Variants in KCTD3 observed in about 807,000 individuals in gnomAD.
The protein encoded by KCTD3 is potassium channel tetramerization domain containing 3, also known as BTB/POZ domain-containing protein KCTD3.
KCTD3 carries 41 observed loss-of-function variants against 85.8 expected under a neutral mutation model. The ratio of observed to expected loss-of-function variants is 0.48; its 90% CI spans 0.37 to 0.62. The LOEUF (loss-of-function observed/expected upper bound fraction) is 0.62. Among genes scored for constraint, KCTD3 ranks in the 20% least tolerant of loss-of-function variants. The pLI, the probability that KCTD3 is intolerant of heterozygous loss-of-function variation, is 0.00. For synonymous variants in KCTD3, 338 were observed against 345.4 expected, an observed-to-expected ratio of 0.98 and a Z score of 0.24; for missense variants, 724 against 989.9, an observed-to-expected ratio of 0.73 and a Z score of 3.60.
At chr1:215,575,457 T>C (rs1659536074) in intron 3 of KCTD3, among the ~76,000 whole-genome samples, 1 of 152,216 alleles carries the variant, frequency 6.6e-6, no homozygotes, top group African/African-American at 2.4e-5. Flanking sequence ...CAGTATTTAC[T>C]TTTCTCAAGT....
At chr1:215,616,367 T>G (rs190388397) in intron 15 of KCTD3, among the ~76,000 whole-genome samples, 255 of 152,282 alleles carry the variant, frequency 1.7e-3, no homozygotes, top group African/African-American at 5.9e-3. Flanking sequence ...TGTCACCTAT[T>G]TATGATTTAA....
intron 5 of KCTD3, 66 bp from the exon 6 acceptor site, chr1:215,577,935 T>G: frequency 6.4e-7 from 1 of 1,571,504 alleles, no homozygotes; most frequent in Non-Finnish European, 8.6e-7. Flanking sequence ...CTAGAGAAAA[T>G]AAAAATGGAG....
chr1:215,613,662 C>A (rs1426246131), intron 15 of KCTD3, among the ~76,000 whole-genome samples: 1 of 152,058 alleles, frequency 6.6e-6, no homozygotes, highest in Non-Finnish European at 1.5e-5. Flanking sequence ...ACTGCATCTT[C>A]TGTTGATTTT....
intron 10 of KCTD3, among the ~76,000 whole-genome samples, chr1:215,596,171 T>C (rs900116544): frequency 1.3e-5 from 2 of 152,188 alleles, no homozygotes; most frequent in African/African-American, 4.8e-5. Flanking sequence ...AGAAATGTAT[T>C]TCTAATTTTG....
chr1:215,608,013 C>A lies in KCTD3; in HGVS notation c.1310-4C>A. 1 of 1,589,896 alleles carries A rather than the reference C, an allele frequency of 6.3e-7. No individual in the cohort carries two copies. The highest frequency in any genetic ancestry group is 8.5e-7 in the Non-Finnish European group (1 of 1,172,434). On this transcript the variant is annotated splice_region_variant and splice_polypyrimidine_tract_variant and intron_variant, in intron 13 of 17. Coordinates refer to ENST00000259154, the MANE Select transcript of KCTD3 (RefSeq NM_016121.5). ...TATTCTTTTGTGTTCTCTTTCTCTG[C>A]TAGTCTGTGCAGATAATAATCATGT...
rs1486399574 is a variant in KCTD3 at position 215,567,720 on chromosome 1, C to T, written c.35C>T (p.Ala12Val). ...AGGHCGSFPAAAAGSGEIVQL... is the reference protein window; with the variant it reads ...AGGHCGSFPAVAAGSGEIVQL... The stretch of plus-strand genomic sequence containing the variant: ...GGGCACTGCGGCAGCTTCCCCGCGG[C>T]GGCGGCCGGCAGCGGCGAGATCGTC... The change falls in exon 1 of 18, where the codon GCG (alanine) becomes GTG (valine). Residue 12 changes from alanine to valine, a missense_variant. Physicochemically the swap from Ala to Val is moderately conservative, Grantham distance 64. Coordinates refer to ENST00000259154, the MANE Select transcript of KCTD3 (RefSeq NM_016121.5). 1.6e-6 allele frequency: 2 copies of T among 1,242,868 alleles called. No individual in the cohort carries two copies. The highest frequency in any genetic ancestry group is 1.6e-5 in the African/African-American group (1 of 64,444). The allele number at this position is 1,242,868 out of a possible 1,614,324, so 77.0% of individuals were successfully genotyped here.
In KCTD3 at chr1:215,574,124, TATA is replaced by T. The variant is rs770299439; in HGVS notation, c.183+15_183+17del. The T allele has an allele frequency of 1.0e-5, 16 of 1,552,026 alleles. No homozygotes were observed. In the East Asian group the frequency reaches 2.5e-4, roughly 24 times the overall value. Reference sequence around the variant, plus strand: ...TTCGAGATGAAACTGGTGCTGTGAGTATAATAATAATTGATACATATTCCTAAA... The same window carrying T: ...TTCGAGATGAAACTGGTGCTGTGAGTATAATAATTGATACATATTCCTAAA... On this transcript the variant is annotated splice_region_variant and intron_variant, in intron 3 of 17. Transcript: ENST00000259154.
chr1:215,569,225 G>T (rs1026013536), intron 1 of KCTD3, among the ~76,000 whole-genome samples: 1 of 149,726 alleles, frequency 6.7e-6, no homozygotes, highest in Admixed American at 6.7e-5. Context: ...AGTTTCAAGC[G>T]ATTCTCCTGC....
intron 15 of KCTD3, among the ~76,000 whole-genome samples, chr1:215,615,436 C>T (rs1047990801): frequency 6.6e-6 from 1 of 151,750 alleles, no homozygotes; most frequent in Admixed American, 6.6e-5. Flanking sequence ...CTGGCTAACA[C>T]GGTGAAACCC....
rs538181795 is a variant in KCTD3, at chr1:215,587,242, G to A, written c.817+557G>A. On this transcript the variant is annotated intron_variant, in intron 9 of 17. Coordinates refer to ENST00000259154, the MANE Select transcript of KCTD3 (RefSeq NM_016121.5). ...CCTCCTGGGCTCAAGCAATTCTCCTGCCTCAGCCTCCCAAGTAGCTGGGAC... is the reference window on the plus strand; with the variant it reads ...CCTCCTGGGCTCAAGCAATTCTCCTACCTCAGCCTCCCAAGTAGCTGGGAC... Among the ~76,000 whole-genome samples the A allele has an allele frequency of 3.6e-3, 545 of 150,508 alleles. 1 individual carries two copies. Among genetic ancestry groups the A allele is most frequent in the African/African-American group, 0.013 (516 of 40,942 alleles).
Position 215,610,138 on chromosome 1 carries a change from G to C in KCTD3, c.1466-1687G>C, listed in dbSNP as rs115538444. ...AGACAAATGGACATACAGATTAGTG[G>C]AACAGAGTAGAGTCCAGATTCAGTA... On this transcript the variant is annotated intron_variant, in intron 14 of 17. Transcript: ENST00000259154. Among the ~76,000 whole-genome samples the C allele has an allele frequency of 5.8e-3, 887 of 151,958 alleles. 6 individuals are homozygous for C. The highest frequency in any genetic ancestry group is 0.02 in the African/African-American group (844 of 41,528).
At chr1:215,598,171 C>G (rs1039904890) in intron 10 of KCTD3, among the ~76,000 whole-genome samples, 5 of 151,968 alleles carry the variant, frequency 3.3e-5, no homozygotes, top group Non-Finnish European at 7.4e-5. Context: ...TTTCATGGGA[C>G]AGTAGAAATT....
At position 215,620,111 on chromosome 1, in the gene KCTD3, G is replaced by A. The variant is rs1655609218; in HGVS notation, c.1941G>A (p.Met647Ile). 1 of 1,612,838 alleles carries A rather than the reference G, an allele frequency of 6.2e-7. No individual in the cohort carries two copies. The part of the protein sequence containing the change: ...TTHEAATYGS[M>I]RPYRESPLLA... ...ATGAAGCAGCTACTTACGGTTCCAT[G>A]AGGCCTTACAGAGAAAGTCCTTTAT... Residue 647 changes from methionine (M) to isoleucine (I), a missense_variant, in exon 18 of 18, where the codon ATG (methionine) becomes ATA (isoleucine). This residue lies in a region of KCTD3 where 222 missense variants were observed against 217.7 expected (regional missense o/e 1.02). Transcript: ENST00000259154.
intron 17 of KCTD3, among the ~76,000 whole-genome samples, chr1:215,619,752 C>G (rs1655591271): frequency 6.6e-6 from 1 of 151,952 alleles, no homozygotes; most frequent in African/African-American, 2.4e-5. Flanking sequence ...TCTGAAGAAC[C>G]AAGGGCTAAA....
chr1:215,602,215 C>T lies in KCTD3; in HGVS notation c.1138+14C>T, dbSNP rs1654858692. The T allele has an allele frequency of 8.4e-7, 1 of 1,185,350 alleles. No homozygotes were observed. The allele number at this position is 1,185,350 out of a possible 1,614,324, so 73.4% of individuals were successfully genotyped here. ...CACCCAAAACAAGTTAGTACATGGC[C>T]AATTATATACATTCTTGACTTTTTA... On this transcript the variant is annotated intron_variant, in intron 12 of 17. Transcript: ENST00000259154.
At chr1:215,602,513 A>G (rs1217432863) in intron 12 of KCTD3, among the ~76,000 whole-genome samples, 1 of 152,060 alleles carries the variant, frequency 6.6e-6, no homozygotes, top group African/African-American at 2.4e-5. Flanking sequence ...TCTTCCTATT[A>G]AAATAACTAA....
At chr1:215,605,633 T>G (rs185505233) in intron 13 of KCTD3, among the ~76,000 whole-genome samples, 2 of 152,266 alleles carry the variant, frequency 1.3e-5, no homozygotes, top group Admixed American at 1.3e-4. Flanking sequence ...TTAATAGGCA[T>G]CTCAAATTTA....
At chr1:215,609,856 G>C (rs1217176641) in intron 14 of KCTD3, among the ~76,000 whole-genome samples, 3 of 151,786 alleles carry the variant, frequency 2.0e-5, no homozygotes, top group Non-Finnish European at 4.4e-5. Flanking sequence ...AGATATACCT[G>C]GTTCTGTGGT....
Position 215,620,115 on chromosome 1 carries a change from CCTTA to C in KCTD3, c.1947_1950del (p.Tyr650GlufsTer6). On this transcript the variant is annotated frameshift_variant, in exon 18 of 18. Transcript: ENST00000259154. LOFTEE classifies it low-confidence loss of function (END_TRUNC). The stretch of plus-strand genomic sequence containing the variant: ...AGCAGCTACTTACGGTTCCATGAGG[CCTTA>C]CAGAGAAAGTCCTTTATTAGCAAGG... 6.2e-7 allele frequency: 1 copy of C among 1,613,338 alleles called. No homozygotes were observed. Among genetic ancestry groups the C allele is most frequent in the Non-Finnish European group, 8.5e-7 (1 of 1,179,604 alleles).
Sources: allele counts gnomAD v4.1 joint callset (sites outside exome capture counted in the v4.1 genomes callset), GRCh38; gene constraint gnomAD v4.1.1; regional missense constraint gnomAD v4.1.1; transcripts MANE v1.5; gene names NCBI Gene and HGNC (gene_info 2026-07-23, HGNC 2026-07-21).